The following LRP1B variants were observed in gnomAD, a reference collection of about 807,000 sequenced individuals.
LRP1B encodes low-density lipoprotein receptor-related protein 1B.
In LRP1B, 217 loss-of-function variants were observed where a neutral mutation model predicts 556.6. That is an observed-to-expected ratio of 0.39 (90% CI 0.35 to 0.44). The LOEUF is 0.44. Among genes scored for constraint, LRP1B ranks in the 20% least tolerant of loss-of-function variants. The pLI is 1.00. For missense variants in LRP1B, 5,053 were observed against 5,620.8 expected, an observed-to-expected ratio of 0.90 and a Z score of 3.23; for synonymous variants, 2,047 against 1,865.8, an observed-to-expected ratio of 1.10 and a Z score of -2.50.
At chr2:140,352,169 T>C (rs1681991287) in intron 76 of LRP1B, among the ~76,000 whole-genome samples, 1 of 151,970 alleles carries the variant, frequency 6.6e-6, no homozygotes, top group African/African-American at 2.4e-5. Context: ...TTAATCTTTT[T>C]TTGTTTGTTT....
chr2:141,201,837 T>A (rs1434006770), intron 6 of LRP1B, among the ~76,000 whole-genome samples: 2 of 152,190 alleles, frequency 1.3e-5, no homozygotes, highest in African/African-American at 4.8e-5. Flanking sequence ...GAGATCCTGT[T>A]AGATCAATGT....
intron 1 of LRP1B, among the ~76,000 whole-genome samples, chr2:142,128,388 A>G (rs531892184): frequency 6.6e-6 from 1 of 152,294 alleles, no homozygotes; most frequent in Admixed American, 6.5e-5. Flanking sequence ...CTGTTCTGTT[A>G]TTCAAGGACG....
chr2:141,601,201 A>AATATCTATCTAT (rs1491125615), intron 2 of LRP1B, among the ~76,000 whole-genome samples: 1 of 102,752 alleles, frequency 9.7e-6, no homozygotes, highest in South Asian at 3.8e-4. Context: ...TCTGTCTGTC[A>AATATCTATCTAT]GTATCTATCT....
chr2:140,432,678 C>T (rs1407578703), intron 66 of LRP1B, among the ~76,000 whole-genome samples: 2 of 152,178 alleles, frequency 1.3e-5, no homozygotes, highest in Non-Finnish European at 2.9e-5. Context: ...ATCTGAAGAA[C>T]TTCTAACAGA....
intron 6 of LRP1B, among the ~76,000 whole-genome samples, chr2:141,201,880 G>A (rs1243459052): frequency 6.6e-6 from 1 of 152,136 alleles, no homozygotes; most frequent in Non-Finnish European, 1.5e-5. Flanking sequence ...AAAAGAAATT[G>A]CAACCAAGAA....
At chr2:141,304,648 GT>G (rs1479990436) in intron 3 of LRP1B, among the ~76,000 whole-genome samples, 4 of 150,336 alleles carry the variant, frequency 2.7e-5, no homozygotes, top group African/African-American at 4.9e-5. Flanking sequence ...CCCAGCTATT[GT>G]TTTTTTCTAT....
intron 1 of LRP1B, among the ~76,000 whole-genome samples, chr2:141,876,369 A>G (rs1698759409): frequency 6.6e-6 from 1 of 151,992 alleles, no homozygotes; most frequent in Non-Finnish European, 1.5e-5. Context: ...AAAACAGTAA[A>G]TAAGACCAGG....
intron 2 of LRP1B, among the ~76,000 whole-genome samples, chr2:141,596,955 A>C (rs1687546052): frequency 1.3e-5 from 2 of 151,962 alleles, no homozygotes; most frequent in Admixed American, 6.6e-5. Context: ...GTTACTACCT[A>C]TGTATATATT....
intron 11 of LRP1B, among the ~76,000 whole-genome samples, chr2:141,027,179 A>G (rs1310709142): frequency 1.3e-5 from 2 of 152,158 alleles, no homozygotes; most frequent in Non-Finnish European, 2.9e-5. Flanking sequence ...TGCTTTTGGT[A>G]CAAACTTTCC....
intron 59 of LRP1B, among the ~76,000 whole-genome samples, chr2:140,475,561 G>A (rs562989787): frequency 6.7e-6 from 1 of 149,928 alleles, no homozygotes; most frequent in Admixed American, 6.7e-5. Context: ...GTTTATTTTA[G>A]AACACAAACT....
At chr2:141,229,645 A>G (rs1360220062) in intron 5 of LRP1B, among the ~76,000 whole-genome samples, 1 of 152,130 alleles carries the variant, frequency 6.6e-6, no homozygotes, top group Non-Finnish European at 1.5e-5. Context: ...GCACATTTGT[A>G]TTCCTTATTT....
intron 2 of LRP1B, among the ~76,000 whole-genome samples, chr2:141,546,403 G>GCCT (rs1559133092): frequency 6.6e-6 from 1 of 152,070 alleles, no homozygotes; most frequent in Non-Finnish European, 1.5e-5. Flanking sequence ...TAAGCACAGT[G>GCCT]CCTCCCCTTA....
rs36060787 is a variant in LRP1B at position 140,731,764 on chromosome 2, C to CAAA, written c.5759-14951_5759-14949dup. Reference sequence around the variant, plus strand: ...GCCTGGCAACAGAGTGAGACTCCGTCAAAAAAAAAAAAAAAAAAAAAAAAA... The same window carrying CAAA: ...GCCTGGCAACAGAGTGAGACTCCGTCAAAAAAAAAAAAAAAAAAAAAAAAAAAA... On this transcript the variant is annotated intron_variant, in intron 35 of 90. Coordinates refer to ENST00000389484, the MANE Select transcript of LRP1B (RefSeq NM_018557.3). Among the ~76,000 whole-genome samples the CAAA allele has an allele frequency of 6.7e-3, 398 of 59,350 alleles. 35 individuals carry two copies. The highest frequency in any genetic ancestry group is 0.02 in the African/African-American group (335 of 17,028). 38.9% of individuals were successfully genotyped at this position (59,350 alleles called of 152,430 possible).
intron 18 of LRP1B, among the ~76,000 whole-genome samples, chr2:140,981,316 CAG>C (rs145582438): frequency 0.066 from 10,085 of 151,962 alleles, 444 homozygotes; most frequent in Non-Finnish European, 0.088. Flanking sequence ...AAAAGTATAA[CAG>C]TGTTAAATTA....
At chr2:141,925,093 C>T (rs899007396) in intron 1 of LRP1B, among the ~76,000 whole-genome samples, 1 of 152,094 alleles carries the variant, frequency 6.6e-6, no homozygotes, top group Non-Finnish European at 1.5e-5. Context: ...GGCAAATGTG[C>T]TAGCCAGATT....
At chr2:140,432,082 C>T (rs949924553) in intron 66 of LRP1B, among the ~76,000 whole-genome samples, 1 of 152,168 alleles carries the variant, frequency 6.6e-6, no homozygotes. Flanking sequence ...TAACTGATGA[C>T]ATTCCACCAC....
At chr2:140,504,840 C>A (rs979077737) in intron 53 of LRP1B, among the ~76,000 whole-genome samples, 2 of 152,170 alleles carry the variant, frequency 1.3e-5, no homozygotes, top group East Asian at 3.9e-4. Flanking sequence ...ATCACAATAA[C>A]CCCCTAACTA....
At chr2:140,526,728 AATT>A (rs1345744238) in intron 47 of LRP1B, among the ~76,000 whole-genome samples, 25 of 149,998 alleles carry the variant, frequency 1.7e-4, no homozygotes. Flanking sequence ...TGTTGCTGGA[AATT>A]CTCTCTCTTT....
In LRP1B at chr2:141,890,371, A is replaced by ATG. The variant is rs1329890626; in HGVS notation, c.83-79971_83-79970insCA. On this transcript the variant is annotated intron_variant, in intron 1 of 90. Transcript: ENST00000389484. ...ATATATGTATTGTGCATATATATAT[A>ATG]TAGTGTGTATACATATATAGTGTAT... 5.4e-3 allele frequency among the ~76,000 whole-genome samples: 708 copies of ATG among 131,616 alleles called. 16 individuals carry two copies. The highest frequency in any genetic ancestry group is 0.02 in the African/African-American group (621 of 31,842). The allele number at this position is 131,616 out of a possible 152,430, so 86.3% of individuals were successfully genotyped here.
Sources: gnomAD v4.1 joint callset for allele counts (sites outside exome capture counted in the v4.1 genomes callset) on GRCh38, gnomAD v4.1.1 for gene constraint, MANE v1.5 for transcripts, NCBI Gene and HGNC (gene_info 2026-07-23, HGNC 2026-07-21) for gene names.